SERHL2: variants seen among roughly 807,000 people sequenced by gnomAD.
SERHL2 encodes serine hydrolase-like protein 2.
A neutral mutation model predicts 25.5 loss-of-function variants in SERHL2; 29 were observed. The ratio of observed to expected loss-of-function variants is 1.14; its 90% confidence interval spans 0.85 to 1.55. SERHL2 has a LOEUF of 1.55. Ranked by LOEUF, SERHL2 falls within the 40% of genes most tolerant of loss-of-function variation. The pLI, the probability that SERHL2 is intolerant of heterozygous loss-of-function variation, is 0.00. For missense variants in SERHL2, 240 were observed against 252.3 expected, an observed-to-expected ratio of 0.95 and a Z score of 0.33; for synonymous variants, 95 against 103.5, an observed-to-expected ratio of 0.92 and a Z score of 0.50.
At chr22:42,570,850 C>T (rs1272967396) in intron 9 of SERHL2, among the ~76,000 whole-genome samples, 14 of 151,882 alleles carry the variant, frequency 9.2e-5, no homozygotes, top group African/African-American at 2.2e-4. Context: ...CAGGCATACC[C>T]GGTGGCAAAG....
At chr22:42,556,694 C>A (rs532085689) in intron 6 of SERHL2, 106 bp downstream of exon 6, 27 of 1,088,346 alleles carry the variant, frequency 2.5e-5, no homozygotes, top group Non-Finnish European at 3.3e-5. Flanking sequence ...CACGAGGAGG[C>A]GGCAGAGGGT....
intron 8 of SERHL2, among the ~76,000 whole-genome samples, chr22:42,561,903 G>A (rs900085732): frequency 3.3e-5 from 5 of 151,748 alleles, no homozygotes; most frequent in African/African-American, 1.2e-4. Flanking sequence ...GGCTGACCTA[G>A]GGAGCCCCAG....
chr22:42,574,257 C>A lies in SERHL2; in HGVS notation c.*202C>A, dbSNP rs9590. 6.8e-6 allele frequency: 4 copies of A among 586,892 alleles called. No homozygotes were observed. The highest frequency in any genetic ancestry group is 6.4e-5 in the South Asian group (3 of 46,990). The allele number at this position is 586,892 out of a possible 1,614,324, so 36.4% of individuals were successfully genotyped here. On this transcript the variant is annotated 3_prime_UTR_variant, in exon 12 of 12. Coordinates refer to ENST00000327678, the MANE Select transcript of SERHL2 (RefSeq NM_014509.5). ...CAAGGGGGAGACAGAGTCTGGGTTC[C>A]AGGGCTGCTTTCTCCTGGCTAATAA...
chr22:42,563,871 C>T (rs371226984), intron 8 of SERHL2, among the ~76,000 whole-genome samples: 60 of 151,568 alleles, frequency 4.0e-4, no homozygotes, highest in Non-Finnish European at 8.4e-4. Context: ...GTTGGGAGTT[C>T]GAGACCACCC....
intron 9 of SERHL2, among the ~76,000 whole-genome samples, chr22:42,567,721 T>TTTATTATTATTATTATTATTATTATTA (rs553420266): frequency 7.6e-6 from 1 of 132,012 alleles, no homozygotes; most frequent in African/African-American, 2.5e-5. Context: ...TTTCTTTAAT[T>TTTATTATTATTATTATTATTATTATTA]TTATTATTAT....
chr22:42,571,666 C>T (rs1366231154), intron 10 of SERHL2: 14 of 184,302 alleles, frequency 7.6e-5, no homozygotes, highest in Non-Finnish European at 9.8e-5. Context: ...CCTCATGATC[C>T]GCCCGCCTCG....
At chr22:42,560,090 G>C (rs1006010598) in intron 7 of SERHL2, 96 bp from the exon 8 acceptor site, 1 of 888,972 alleles carries the variant, frequency 1.1e-6, no homozygotes, top group African/African-American at 1.6e-5. Flanking sequence ...GGGATTACAG[G>C]CATGAGCCAC....
intron 8 of SERHL2, among the ~76,000 whole-genome samples, chr22:42,561,763 G>A (rs1009688784): frequency 9.2e-5 from 14 of 151,830 alleles, no homozygotes; most frequent in Non-Finnish European, 1.8e-4. Flanking sequence ...GCCTCGGGTC[G>A]CCAGTTTGGG....
At chr22:42,570,445 C>T (rs1360440298) in intron 9 of SERHL2, among the ~76,000 whole-genome samples, 1 of 151,400 alleles carries the variant, frequency 6.6e-6, no homozygotes, top group Non-Finnish European at 1.5e-5. Flanking sequence ...AACAATTGTT[C>T]TCATATTTTA....
Position 42,572,484 on chromosome 22 carries a change from G to A in SERHL2, c.780G>A (p.Glu260=). 1 of 1,612,048 alleles carries A rather than the reference G, an allele frequency of 6.2e-7. No individual in the cohort carries two copies. The highest frequency in any genetic ancestry group is 8.5e-7 in the Non-Finnish European group (1 of 1,178,372). ...CAAGACAGAATTACTCTGAGAAGGA[G>A]TCCCTGTCGTTCATGATAGACACGA... The part of the protein sequence containing the change: ...FDSRQNYSEK[E]SLSFMIDTMK... Residue 260 remains glutamate, a synonymous_variant, in exon 11 of 12, where the codon GAG becomes GAA. Coordinates refer to ENST00000327678, the MANE Select transcript of SERHL2 (RefSeq NM_014509.5).
intron 9 of SERHL2, among the ~76,000 whole-genome samples, chr22:42,570,696 C>G (rs1924047712): frequency 6.6e-6 from 1 of 152,166 alleles, no homozygotes; most frequent in African/African-American, 2.4e-5. Context: ...GTTTCTTCCT[C>G]CTGGCAAGAA....
chr22:42,561,191 C>T (rs1308534622), intron 8 of SERHL2, among the ~76,000 whole-genome samples: 2 of 152,044 alleles, frequency 1.3e-5, no homozygotes, highest in African/African-American at 4.8e-5. Flanking sequence ...ATGGCGGGGC[C>T]TGCTTCAGAG....
chr22:42,574,320 G>T lies in SERHL2; in HGVS notation c.*265G>T. On this transcript the variant is annotated 3_prime_UTR_variant, in exon 12 of 12. Coordinates refer to ENST00000327678, the MANE Select transcript of SERHL2 (RefSeq NM_014509.5). ...CAGCTGGAGGAAGGAAGGGCAGGCT[G>T]GGCCCACCTAGCCTTTCCCTGCTGC... 1 of 536,510 alleles carries T rather than the reference G, an allele frequency of 1.9e-6. No homozygotes were observed. Among genetic ancestry groups the T allele is most frequent in the Non-Finnish European group, 3.3e-6 (1 of 302,012 alleles). 33.2% of individuals were successfully genotyped at this position (536,510 alleles called of 1,614,324 possible).
At chr22:42,569,577 G>A (rs1365636708) in intron 9 of SERHL2, 1 of 151,790 alleles carries the variant, frequency 6.6e-6, no homozygotes, top group Non-Finnish European at 1.5e-5. Context: ...CATATTTTTA[G>A]TAGAGACAGG....
chr22:42,573,798 G>A (rs1423766954), intron 11 of SERHL2, 138 bp from the exon 12 acceptor site: 3 of 815,234 alleles, frequency 3.7e-6, no homozygotes, highest in Middle Eastern at 3.7e-4. Flanking sequence ...GGAGCCGAGT[G>A]TGGGGGAAAC....
intron 8 of SERHL2, among the ~76,000 whole-genome samples, chr22:42,562,050 G>T (rs1175301216): frequency 1.3e-5 from 2 of 151,768 alleles, no homozygotes; most frequent in Non-Finnish European, 2.9e-5. Flanking sequence ...AAGAGGGAGG[G>T]CTGAGAAAGA....
intron 6 of SERHL2, among the ~76,000 whole-genome samples, chr22:42,556,836 T>C (rs999685386): frequency 3.6e-5 from 4 of 112,358 alleles, no homozygotes; most frequent in Non-Finnish European, 6.9e-5. Context: ...ATCTGCAGAA[T>C]GCCAGGCTGA....
chr22:42,572,703 G>T, intron 11 of SERHL2, 174 bp downstream of exon 11: 1 of 984,844 alleles, frequency 1.0e-6, no homozygotes, highest in Non-Finnish European at 1.2e-6. Flanking sequence ...AGAGGCCTAG[G>T]GACACATGTA....
intron 8 of SERHL2, 83 bp from the exon 9 acceptor site, chr22:42,566,221 G>A (rs1182551296): frequency 7.1e-7 from 1 of 1,416,534 alleles, no homozygotes; most frequent in East Asian, 2.3e-5. Context: ...GCAAAGGCCT[G>A]GAGGGTTCCA....
Sources: gnomAD v4.1 joint callset for allele counts (sites outside exome capture counted in the v4.1 genomes callset) on GRCh38, gnomAD v4.1.1 for gene constraint, MANE v1.5 for transcripts, NCBI Gene and HGNC (gene_info 2026-07-23, HGNC 2026-07-21) for gene names.